The following C1orf21 variants were observed in gnomAD, a reference collection of about 807,000 sequenced individuals.
C1orf21 encodes chromosome 1 open reading frame 21, also known as uncharacterized protein C1orf21.
In C1orf21, 3 loss-of-function variants were observed where a neutral mutation model predicts 18.7. The ratio of observed to expected loss-of-function variants is 0.16; its 90% CI spans 0.07 to 0.42. The LOEUF (loss-of-function observed/expected upper bound fraction) is 0.42. Ranked by LOEUF, C1orf21 falls within the 10% of genes least tolerant of loss-of-function variation. The pLI, the probability that C1orf21 is intolerant of heterozygous loss-of-function variation, is 0.99. For missense variants in C1orf21, 104 were observed against 143.6 expected (o/e 0.72, Z 1.41); for synonymous variants, 41 against 46.4 (o/e 0.88, Z 0.47).
In C1orf21 at chr1:184,519,585, CTG is replaced by C. The variant is rs367746965; in HGVS notation, c.189+11905_189+11906del. Among the ~76,000 whole-genome samples the C allele has an allele frequency of 4.9e-3, 742 of 152,292 alleles. 3 individuals are homozygous for C. The highest frequency in any genetic ancestry group is 0.041 in the Middle Eastern group (12 of 294). ...GAGGGCCACCTTTAAGGCTGGGCCA[CTG>C]TTACTAGAGTACCCAGAACAATAAC... is the stretch of plus-strand genomic sequence containing the variant. On this transcript the variant is annotated intron_variant, in intron 3 of 5. Transcript: ENST00000235307.
chr1:184,404,348 C>A (rs1338708460), intron 1 of C1orf21, among the ~76,000 whole-genome samples: 1 of 152,080 alleles, frequency 6.6e-6, no homozygotes. Flanking sequence ...TTATAAAGAA[C>A]AAAAATTTAT....
At chr1:184,420,345 T>C (rs1656526298) in intron 1 of C1orf21, among the ~76,000 whole-genome samples, 1 of 152,118 alleles carries the variant, frequency 6.6e-6, no homozygotes, top group African/African-American at 2.4e-5. Context: ...TTAGATGGAT[T>C]ATTCACGTAA....
At chr1:184,586,351 C>T (rs528034489) in intron 3 of C1orf21, among the ~76,000 whole-genome samples, 55 of 144,800 alleles carry the variant, frequency 3.8e-4, no homozygotes, top group African/African-American at 1.4e-3. Flanking sequence ...GGTGCAATCT[C>T]GGCTCACTGC....
intron 1 of C1orf21, among the ~76,000 whole-genome samples, chr1:184,440,897 G>A (rs188079996): frequency 3.9e-5 from 6 of 152,252 alleles, no homozygotes; most frequent in Middle Eastern, 3.4e-3. Flanking sequence ...TAGAAAGGTC[G>A]CATTTCCTTT....
Position 184,387,477 on chromosome 1 carries a change from G to T in C1orf21, c.-125+109G>T, listed in dbSNP as rs1655905195. Reference sequence around the variant, plus strand: ...GTGGGCAGGGAGGGAGGCCTGCGGGGTGTCTGCCGCACGGAAGGGATGGGA... The same window carrying T: ...GTGGGCAGGGAGGGAGGCCTGCGGGTTGTCTGCCGCACGGAAGGGATGGGA... On this transcript the variant is annotated intron_variant, in intron 1 of 5. Coordinates refer to ENST00000235307, the MANE Select transcript of C1orf21 (RefSeq NM_030806.4). This position sits in a 1 kb window ranked among gnomAD's most constrained non-coding sequence, Gnocchi z 5.6. 6.6e-6 allele frequency: 1 copy of T among 152,382 alleles called. No homozygotes were observed. The highest frequency in any genetic ancestry group is 2.4e-5 in the African/African-American group (1 of 41,444). 9.4% of individuals were successfully genotyped at this position (152,382 alleles called of 1,614,324 possible). A position where few individuals can be genotyped will look rare whatever the true frequency, so the allele number is the denominator to read the frequency against.
At chr1:184,504,624 C>T (rs767527152) in intron 2 of C1orf21, among the ~76,000 whole-genome samples, 11 of 152,124 alleles carry the variant, frequency 7.2e-5, no homozygotes, top group African/African-American at 2.2e-4. Context: ...TCTTCCTTCC[C>T]GGCACCAGCC....
At chr1:184,468,510 TATA>T (rs569298914) in intron 1 of C1orf21, among the ~76,000 whole-genome samples, 6 of 152,376 alleles carry the variant, frequency 3.9e-5, no homozygotes, top group Non-Finnish European at 7.3e-5. Context: ...TTCAAAGTAT[TATA>T]ATACTACATT....
At chr1:184,449,108 G>T (rs910277121) in intron 1 of C1orf21, among the ~76,000 whole-genome samples, 1 of 151,978 alleles carries the variant, frequency 6.6e-6, no homozygotes, top group Non-Finnish European at 1.5e-5. Context: ...GTGCAGGTTT[G>T]TTACATATGT....
chr1:184,465,444 G>T (rs956159448), intron 1 of C1orf21, among the ~76,000 whole-genome samples: 1 of 152,038 alleles, frequency 6.6e-6, no homozygotes, highest in Non-Finnish European at 1.5e-5. Flanking sequence ...AGAGATTTTG[G>T]GGCTTGGTCC....
At chr1:184,568,545 T>C (rs1038488705) in intron 3 of C1orf21, 1 of 426,276 alleles carries the variant, frequency 2.3e-6, no homozygotes, top group Non-Finnish European at 4.8e-6. Context: ...AAAAGTCTTA[T>C]GGTGAAAATA....
intron 3 of C1orf21, among the ~76,000 whole-genome samples, chr1:184,547,208 A>C (rs1658739822): frequency 6.6e-6 from 1 of 152,206 alleles, no homozygotes; most frequent in African/African-American, 2.4e-5. Flanking sequence ...CAGACCATGC[A>C]GGGCAGGACC....
intron 1 of C1orf21, among the ~76,000 whole-genome samples, chr1:184,408,814 C>G (rs562168425): frequency 6.6e-6 from 1 of 152,266 alleles, no homozygotes; most frequent in African/African-American, 2.4e-5. Context: ...GTTGTGAGGC[C>G]GATCAGGTTT....
At chr1:184,615,148 A>G (rs1053974188) in intron 5 of C1orf21, among the ~76,000 whole-genome samples, 1 of 152,226 alleles carries the variant, frequency 6.6e-6, no homozygotes, top group Non-Finnish European at 1.5e-5. Context: ...TTCAACAAAC[A>G]AAAACCCCTT....
chr1:184,477,725 T>C (rs754418480), intron 2 of C1orf21, 122 bp downstream of exon 2: 3 of 729,020 alleles, frequency 4.1e-6, no homozygotes, highest in Non-Finnish European at 6.8e-6. Context: ...ATGCCTAGAA[T>C]GTGTAACGAT....
At chr1:184,549,842 G>A (rs930747822) in intron 3 of C1orf21, among the ~76,000 whole-genome samples, 1 of 151,900 alleles carries the variant, frequency 6.6e-6, no homozygotes, top group Non-Finnish European at 1.5e-5. Flanking sequence ...TTTAGATAAT[G>A]TATAAATGTT....
chr1:184,602,166 T>G (rs1263991548), intron 5 of C1orf21, among the ~76,000 whole-genome samples: 2 of 152,114 alleles, frequency 1.3e-5, no homozygotes, highest in African/African-American at 4.8e-5. Context: ...AGAGTGAGGT[T>G]CTCCTCCGTG....
At chr1:184,542,002 C>T (rs547704512) in intron 3 of C1orf21, among the ~76,000 whole-genome samples, 6 of 152,236 alleles carry the variant, frequency 3.9e-5, no homozygotes, top group East Asian at 1.9e-4. Context: ...AAAGGAAGGG[C>T]GAAGGTGATT....
chr1:184,387,199 G>A lies in C1orf21; in HGVS notation c.-294G>A. ...CTCCCGCACGCTTGCACGCGGGCCC[G>A]GCTTCGGGGTTTTGGGTTCTTACTC... On this transcript the variant is annotated 5_prime_UTR_variant, in exon 1 of 6. Transcript: ENST00000235307. The surrounding 1 kb of genome is among the most constrained non-coding windows in gnomAD (Gnocchi z 5.6). 6.5e-6 allele frequency: 1 copy of A among 152,928 alleles called. No individual in the cohort carries two copies. Among genetic ancestry groups the A allele is most frequent in the Non-Finnish European group, 1.5e-5 (1 of 68,614 alleles). The allele number at this position is 152,928 out of a possible 1,614,324, so 9.5% of individuals were successfully genotyped here.
chr1:184,565,567 T>C (rs1246245601), intron 3 of C1orf21, among the ~76,000 whole-genome samples: 1 of 152,260 alleles, frequency 6.6e-6, no homozygotes, highest in African/African-American at 2.4e-5. Context: ...GCTTTCAGTT[T>C]GTAGTATGAC....
Sources: allele counts gnomAD v4.1 joint callset (sites outside exome capture counted in the v4.1 genomes callset), GRCh38; gene constraint gnomAD v4.1.1; non-coding constraint Gnocchi (gnomAD v3.1); transcripts MANE v1.5; gene names NCBI Gene and HGNC (gene_info 2026-07-23, HGNC 2026-07-21).